Variants in FHIT observed in about 807,000 individuals in gnomAD.
The protein encoded by FHIT is fragile histidine triad diadenosine triphosphatase, also known as bis(5'-adenosyl)-triphosphatase.
FHIT carries 19 observed loss-of-function variants against 17.9 expected under a neutral mutation model. The observed-to-expected ratio is 1.06, with a 90% confidence interval of 0.74 to 1.56. The LOEUF (loss-of-function observed/expected upper bound fraction) is 1.56. Among genes scored for constraint, FHIT ranks in the 40% most tolerant of loss-of-function variants. FHIT has a pLI of 0.00. For synonymous variants in FHIT, 81 were observed against 69.7 expected, an observed-to-expected ratio of 1.16 and a Z score of -0.81; for missense variants, 248 against 189.2, an observed-to-expected ratio of 1.31 and a Z score of -1.82.
chr3:60,948,186 C>T (rs1553776178), intron 3 of FHIT, among the ~76,000 whole-genome samples: 5 of 152,092 alleles, frequency 3.3e-5, no homozygotes, highest in Admixed American at 6.5e-5. Context: ...GTCTTACAGG[C>T]CCATTCATCC....
chr3:61,196,964 G>A (rs992078830), intron 2 of FHIT, among the ~76,000 whole-genome samples: 8 of 152,294 alleles, frequency 5.3e-5, no homozygotes, highest in East Asian at 1.9e-4. Context: ...GAATGCCTGC[G>A]ATAGAGGTTA....
chr3:61,128,093 T>G (rs775621994), intron 2 of FHIT, among the ~76,000 whole-genome samples: 1 of 152,196 alleles, frequency 6.6e-6, no homozygotes, highest in Non-Finnish European at 1.5e-5. Flanking sequence ...CAAGGTACAA[T>G]GCCAGATATT....
At chr3:61,225,339 AT>A (rs2039943268) in intron 1 of FHIT, among the ~76,000 whole-genome samples, 1 of 152,122 alleles carries the variant, frequency 6.6e-6, no homozygotes, top group Non-Finnish European at 1.5e-5. Context: ...AAATATATAT[AT>A]TTTTTTGAAA....
chr3:61,248,825 T>C (rs545673658), intron 1 of FHIT, among the ~76,000 whole-genome samples: 23 of 152,314 alleles, frequency 1.5e-4, no homozygotes, highest in African/African-American at 5.3e-4. Flanking sequence ...TCCAGAAACC[T>C]GCCTTCTTGC....
At chr3:61,094,136 G>A (rs984226461) in intron 2 of FHIT, among the ~76,000 whole-genome samples, 2 of 151,990 alleles carry the variant, frequency 1.3e-5, no homozygotes, top group South Asian at 4.2e-4. Context: ...GTGTGTGTGT[G>A]TGTGTGTGTA....
intron 7 of FHIT, among the ~76,000 whole-genome samples, chr3:59,973,960 A>G (rs949363530): frequency 6.7e-6 from 1 of 149,670 alleles, no homozygotes; most frequent in African/African-American, 2.4e-5. Flanking sequence ...CTTCAAGTAC[A>G]ATGATTTGTA....
chr3:60,669,507 T>A (rs2040463148), intron 4 of FHIT, among the ~76,000 whole-genome samples: 1 of 152,006 alleles, frequency 6.6e-6, no homozygotes, highest in Admixed American at 6.6e-5. Flanking sequence ...AACACACACA[T>A]ATATACACAC....
chr3:60,981,309 TTTC>T (rs1253118335), intron 3 of FHIT, among the ~76,000 whole-genome samples: 9 of 127,478 alleles, frequency 7.1e-5, no homozygotes, highest in African/African-American at 2.2e-4. Flanking sequence ...TTTTTTTTTT[TTTC>T]TTTTTTTTTT....
intron 4 of FHIT, among the ~76,000 whole-genome samples, chr3:60,539,103 C>T (rs1407284779): frequency 2.0e-5 from 3 of 152,012 alleles, no homozygotes; most frequent in Non-Finnish European, 4.4e-5. Flanking sequence ...AAGAAAAAAA[C>T]AAACAACCCC....
chr3:60,199,461 C>T (rs1702797759), intron 5 of FHIT, among the ~76,000 whole-genome samples: 1 of 152,040 alleles, frequency 6.6e-6, no homozygotes, highest in Non-Finnish European at 1.5e-5. Context: ...GAGAGACTGC[C>T]AGCTCACTTC....
Position 60,970,123 on chromosome 3 carries a change from C to T in FHIT, c.-111+71924G>A, listed in dbSNP as rs537342268. Among the ~76,000 whole-genome samples the T allele has an allele frequency of 3.3e-5, 5 of 152,242 alleles. No homozygotes were observed. The South Asian group carries it at 6.2e-4, about 19-fold the overall frequency. ...ACAGGTGTGAGCTACCAGGCCCAGC[C>T]GTTTACTGACATTTTGTCTTCATAT... On this transcript the variant is annotated intron_variant, in intron 3 of 9. Transcript: ENST00000492590.
chr3:60,987,832 T>C (rs565834594), intron 3 of FHIT, among the ~76,000 whole-genome samples: 10 of 152,246 alleles, frequency 6.6e-5, no homozygotes, highest in African/African-American at 2.4e-4. Flanking sequence ...TGAAATTGAG[T>C]CCATAAAATT....
At chr3:60,702,604 C>G (rs1380812821) in intron 4 of FHIT, among the ~76,000 whole-genome samples, 1 of 151,820 alleles carries the variant, frequency 6.6e-6, no homozygotes, top group Non-Finnish European at 1.5e-5. Flanking sequence ...TTGTGATCAT[C>G]CAGCTAACAT....
rs919917617 is a variant in FHIT, at chr3:60,187,572, T to C, written c.104-173420A>G. Among the ~76,000 whole-genome samples the C allele has an allele frequency of 2.6e-5, 4 of 152,160 alleles. No individual in the cohort carries two copies. In the East Asian group the frequency reaches 7.7e-4, roughly 29 times the overall value. On this transcript the variant is annotated intron_variant, in intron 5 of 9. Transcript: ENST00000492590. ...GAGAGTGGGTGATCACTTACAAAAA[T>C]GGCATTCTGCTGAATCACCAGCCCT... is the stretch of plus-strand genomic sequence containing the variant.
intron 3 of FHIT, among the ~76,000 whole-genome samples, chr3:60,982,987 C>CA (rs928156791): frequency 3.3e-5 from 5 of 152,150 alleles, no homozygotes; most frequent in African/African-American, 4.8e-5. Context: ...CAGGGTTGGA[C>CA]AAAAAACACC....
chr3:59,828,833 C>A (rs1179764731), intron 8 of FHIT, among the ~76,000 whole-genome samples: 3 of 89,054 alleles, frequency 3.4e-5, no homozygotes, highest in African/African-American at 1.4e-4. Flanking sequence ...TTTTTTTAAC[C>A]AATGGTACTC....
chr3:60,102,495 T>C (rs1034789620), intron 5 of FHIT, among the ~76,000 whole-genome samples: 4 of 152,160 alleles, frequency 2.6e-5, no homozygotes, highest in Admixed American at 1.3e-4. Context: ...TTCTTACTTA[T>C]GGTTCTAAGA....
At chr3:60,455,039 T>C (rs548821475) in intron 5 of FHIT, among the ~76,000 whole-genome samples, 9 of 152,230 alleles carry the variant, frequency 5.9e-5, no homozygotes, top group Non-Finnish European at 1.2e-4. Flanking sequence ...TATGAGTACC[T>C]TGAGAATATA....
intron 4 of FHIT, among the ~76,000 whole-genome samples, chr3:60,746,833 T>A (rs138724154): frequency 4.3e-4 from 66 of 152,312 alleles, no homozygotes; most frequent in African/African-American, 1.5e-3. Context: ...TCCGTTTTAG[T>A]ATATAAGAAA....
Sources: gnomAD v4.1 joint callset for allele counts (sites outside exome capture counted in the v4.1 genomes callset) on GRCh38, gnomAD v4.1.1 for gene constraint, MANE v1.5 for transcripts, NCBI Gene and HGNC (gene_info 2026-07-23, HGNC 2026-07-21) for gene names.